Variants in CYP2A13 observed in about 807,000 individuals in gnomAD.
CYP2A13 encodes the protein cytochrome P450 2A13.
A neutral mutation model predicts 39.4 loss-of-function variants in CYP2A13; 30 were observed. The ratio of observed to expected loss-of-function variants is 0.76; its 90% confidence interval spans 0.57 to 1.03. CYP2A13 has a LOEUF of 1.03. CYP2A13 is among the 50% of genes least tolerant of loss of function. The probability of loss-of-function intolerance (pLI) is 0.00; values close to 1 mark genes in which losing one functional copy is unlikely to be tolerated. For missense variants in CYP2A13, 731 were observed against 648.4 expected, an observed-to-expected ratio of 1.13 and a Z score of -1.38; for synonymous variants, 269 against 254.7, an observed-to-expected ratio of 1.06 and a Z score of -0.54.
rs1293282028 is a variant in CYP2A13 at position 41,093,691 on chromosome 19, T to A, written c.893T>A (p.Leu298His). The A allele has an allele frequency of 6.2e-7, 1 of 1,613,944 alleles. No individual in the cohort carries two copies. Among genetic ancestry groups the A allele is most frequent in the Non-Finnish European group, 8.5e-7 (1 of 1,180,020 alleles). The change falls in exon 6 of 9, where the codon CTC (leucine) becomes CAC (histidine). Residue 298 changes from leucine to histidine, a missense_variant. By Grantham distance (99) the Leu-to-His change is moderately conservative (BLOSUM62 -3). Transcript: ENST00000330436. ...AACCTGGTGATGACCACCCTGAACC[T>A]CTTCTTTGCGGGCACTGAGACCGTG... ...LKNLVMTTLNLFFAGTETVST... is the reference protein window; with the variant it reads ...LKNLVMTTLNHFFAGTETVST...
chr19:41,091,847 G>T lies in CYP2A13; in HGVS notation c.770G>T (p.Arg257Leu), dbSNP rs768630299. 6.2e-7 allele frequency: 1 copy of T among 1,614,086 alleles called. No homozygotes were observed. The highest frequency in any genetic ancestry group is 1.1e-5 in the South Asian group (1 of 91,090). Residue 257 changes from arginine (R) to leucine (L), a missense_variant, in exon 5 of 9, where the codon CGC becomes CTC. Physicochemically the swap from Arg to Leu is moderately radical, Grantham distance 102. Coordinates refer to ENST00000330436, the MANE Select transcript of CYP2A13 (RefSeq NM_000766.5). ...FIAKKVEHNQ[R>L]TLDPNSPRDF... Reference sequence around the variant, plus strand: ...GCCAAGAAGGTGGAGCACAACCAGCGCACGCTGGATCCCAATTCCCCACGG... The same window carrying T: ...GCCAAGAAGGTGGAGCACAACCAGCTCACGCTGGATCCCAATTCCCCACGG...
chr19:41,089,198 C>G, intron 2 of CYP2A13, 107 bp downstream of exon 2: 1 of 1,543,006 alleles, frequency 6.5e-7, no homozygotes, highest in Admixed American at 1.9e-5. Flanking sequence ...TGGCAGAGCC[C>G]CCTGTCTGGT....
chr19:41,092,693 G>T (rs989087024), intron 5 of CYP2A13, among the ~76,000 whole-genome samples: 12 of 152,258 alleles, frequency 7.9e-5, no homozygotes, highest in Non-Finnish European at 1.6e-4. Flanking sequence ...AACCGTTCAT[G>T]TCCTGGTTAG....
At chr19:41,091,276 A>G (rs34178072) in intron 4 of CYP2A13, among the ~76,000 whole-genome samples, 28,819 of 152,020 alleles carry the variant, frequency 0.19, 3,181 homozygotes, top group Non-Finnish European at 0.24. Flanking sequence ...TAATACCTGA[A>G]CACCTGAACA....
intron 4 of CYP2A13, 147 bp from the exon 5 acceptor site, chr19:41,091,585 T>C: frequency 2.3e-6 from 3 of 1,277,606 alleles, no homozygotes; most frequent in Non-Finnish European, 3.2e-6. Context: ...GATATAAGTT[T>C]CCATCCAACC....
intron 6 of CYP2A13, among the ~76,000 whole-genome samples, 196 bp from the exon 7 acceptor site, chr19:41,094,049 A>C (rs58426857): frequency 0.024 from 3,646 of 152,028 alleles, 126 homozygotes; most frequent in African/African-American, 0.08. Flanking sequence ...CCCTGTGCCT[A>C]CCCTGTGATT....
At chr19:41,093,404 T>C (rs555366007) in intron 5 of CYP2A13, among the ~76,000 whole-genome samples, 1 of 150,764 alleles carries the variant, frequency 6.6e-6, no homozygotes, top group Non-Finnish European at 1.5e-5. Flanking sequence ...AAGTTGACAA[T>C]TAAAGGATAG....
rs1461196280 is a variant in CYP2A13, at chr19:41,096,167, A to G, written c.*226A>G. 12 of 651,358 alleles carry G rather than the reference A, an allele frequency of 1.8e-5. No individual in the cohort carries two copies. The highest frequency in any genetic ancestry group is 3.2e-5 in the Non-Finnish European group (12 of 379,506). 40.3% of individuals were successfully genotyped at this position (651,358 alleles called of 1,614,324 possible). A position where few individuals can be genotyped will look rare whatever the true frequency, so the allele number is the denominator to read the frequency against. On this transcript the variant is annotated 3_prime_UTR_variant, in exon 9 of 9. Transcript: ENST00000330436. ...AACCTTACAGTATGCTACAAAGAGTAGTAATAATAGCAGCTCTTATTTCCT... is the reference window on the plus strand; with the variant it reads ...AACCTTACAGTATGCTACAAAGAGTGGTAATAATAGCAGCTCTTATTTCCT...
intron 7 of CYP2A13, 49 bp downstream of exon 7, chr19:41,094,481 CCTCT>C (rs2031259596): frequency 6.2e-7 from 1 of 1,602,506 alleles, no homozygotes; most frequent in Non-Finnish European, 8.5e-7. Flanking sequence ...GGACTTCCAG[CCTCT>C]CTCTGTGTCC....
chr19:41,093,095 C>T (rs1159453623), intron 5 of CYP2A13, among the ~76,000 whole-genome samples: 3 of 151,666 alleles, frequency 2.0e-5, no homozygotes, highest in African/African-American at 4.9e-5. Context: ...GTCCCAGCTA[C>T]TAAGGAGGTT....
Position 41,094,170 on chromosome 19 carries a change from G to T in CYP2A13, c.974-75G>T. 6 of 1,575,888 alleles carry T rather than the reference G, an allele frequency of 3.8e-6. No homozygotes were observed. The South Asian group carries it at 5.9e-5, about 16-fold the overall frequency. On this transcript the variant is annotated intron_variant, in intron 6 of 8. Transcript: ENST00000330436. The stretch of plus-strand genomic sequence containing the variant: ...CATAGGTGGAGCTATGTCAACCACC[G>T]TGTTTTACCTATTCGGACTATCATC...
At chr19:41,095,618 G>A in intron 8 of CYP2A13, 142 bp from the exon 9 acceptor site, 1 of 1,081,604 alleles carries the variant, frequency 9.2e-7, no homozygotes, top group South Asian at 1.6e-5. Flanking sequence ...GAAGCTCAGG[G>A]AGGATCGGAG....
At chr19:41,092,286 G>A (rs1200527100) in intron 5 of CYP2A13, among the ~76,000 whole-genome samples, 35 of 135,096 alleles carry the variant, frequency 2.6e-4, no homozygotes, top group African/African-American at 9.1e-4. Flanking sequence ...ACTGCACTCC[G>A]GCCTGAGTGA....
chr19:41,090,867 G>C (rs3968434), intron 4 of CYP2A13, among the ~76,000 whole-genome samples: 15 of 152,260 alleles, frequency 9.9e-5, no homozygotes, highest in East Asian at 3.9e-4. Context: ...ACCGTAATTT[G>C]TAACAGGTGC....
Position 41,094,827 on chromosome 19 carries a change from CAG to C in CYP2A13, c.1162-129_1162-128del. ...CTTCTATCCCCCAAAGCTCCTCCCT[CAG>C]AGGTCCCCAACTCCTCCATGCCTGC... On this transcript the variant is annotated intron_variant, in intron 7 of 8. Transcript: ENST00000330436. The C allele has an allele frequency of 2.9e-6, 3 of 1,017,556 alleles. 1 individual carries two copies. Among genetic ancestry groups the C allele is most frequent in the Non-Finnish European group, 4.4e-6 (3 of 675,704 alleles). 63.0% of individuals were successfully genotyped at this position (1,017,556 alleles called of 1,614,324 possible). A position where few individuals can be genotyped will look rare whatever the true frequency, so the allele number is the denominator to read the frequency against.
chr19:41,095,880 C>T lies in CYP2A13; in HGVS notation c.1424C>T (p.Pro475Leu), dbSNP rs781684223. The T allele has an allele frequency of 5.0e-6, 8 of 1,613,860 alleles. No individual in the cohort carries two copies. The highest frequency in any genetic ancestry group is 6.8e-6 in the Non-Finnish European group (8 of 1,179,888). The change falls in exon 9 of 9, where the codon CCC (proline) becomes CTC (leucine). Residue 475 changes from proline to leucine, a missense_variant. By Grantham distance (98) the Pro-to-Leu change is moderately conservative. Coordinates refer to ENST00000330436, the MANE Select transcript of CYP2A13 (RefSeq NM_000766.5). Reference protein sequence around the residue: ...PQSPKDIDVSPKHVGFATIPR... With the variant: ...PQSPKDIDVSLKHVGFATIPR... ...TCGCCTAAGGATATCGACGTGTCCCCCAAACACGTGGGCTTTGCCACGATC... is the reference window on the plus strand; with the variant it reads ...TCGCCTAAGGATATCGACGTGTCCCTCAAACACGTGGGCTTTGCCACGATC...
chr19:41,093,495 G>C, intron 5 of CYP2A13, 135 bp from the exon 6 acceptor site: 5 of 1,040,650 alleles, frequency 4.8e-6, no homozygotes, highest in Non-Finnish European at 7.0e-6. Flanking sequence ...GGAACCTGGA[G>C]CGAGTTTGGC....
intron 2 of CYP2A13, among the ~76,000 whole-genome samples, chr19:41,089,694 C>G (rs549062828): frequency 4.9e-4 from 75 of 151,882 alleles, no homozygotes; most frequent in African/African-American, 1.8e-3. Context: ...CTCTTTCTCT[C>G]CCCACTTCCT....
In CYP2A13 at chr19:41,094,961, C is replaced by T. The variant is rs757159545; in HGVS notation, c.1164C>T (p.Gly388=). The change falls in exon 8 of 9, where the codon GGC becomes GGT. Residue 388 remains glycine, a splice_region_variant and synonymous_variant. Coordinates refer to ENST00000330436, the MANE Select transcript of CYP2A13 (RefSeq NM_000766.5). The part of the protein sequence containing the change: ...TKFRDFFLPK[G]TEVFPMLGSV... ...CACACCTTCCTCCTCCCTCCCAGGG[C>T]ACTGAAGTGTTCCCTATGCTGGGCT... 1.2e-6 allele frequency: 2 copies of T among 1,614,084 alleles called. No homozygotes were observed. The highest frequency in any genetic ancestry group is 1.7e-5 in the Admixed American group (1 of 60,010).
Sources: allele counts gnomAD v4.1 joint callset (sites outside exome capture counted in the v4.1 genomes callset), GRCh38; gene constraint gnomAD v4.1.1; transcripts MANE v1.5; gene names NCBI Gene and HGNC (gene_info 2026-07-23, HGNC 2026-07-21).